PAK5: variants seen among roughly 807,000 people sequenced by gnomAD.
PAK5 encodes the protein serine/threonine-protein kinase PAK 5.
In PAK5, 16 loss-of-function variants were observed where a neutral mutation model predicts 65.9. That is an observed-to-expected ratio of 0.24 (90% CI 0.16 to 0.37). PAK5 has a LOEUF of 0.37. PAK5 is among the 10% of genes least tolerant of loss of function. PAK5 has a pLI of 1.00. For missense variants in PAK5, 785 were observed against 903.9 expected (o/e 0.87, Z 1.69); for synonymous variants, 371 against 354.9 (o/e 1.05, Z -0.51).
chr20:9,633,819 G>A lies in PAK5; in HGVS notation c.204+10306C>T, dbSNP rs186772076. ...GCAGGAATGCTGGGAACAGCATTTT[G>A]AACCATGAGAAGAGGCCTTCAGGGA... On this transcript the variant is annotated intron_variant, in intron 3 of 9. Transcript: ENST00000353224. 8.5e-5 allele frequency among the ~76,000 whole-genome samples: 13 copies of A among 152,314 alleles called. No homozygotes were observed. The East Asian group carries it at 1.9e-3, about 23-fold the overall frequency.
At position 9,718,440 on chromosome 20, in the gene PAK5, G is replaced by A. The variant is rs918542795; in HGVS notation, c.-161-7005C>T. Among the ~76,000 whole-genome samples, 8 of 152,212 alleles carry A rather than the reference G, an allele frequency of 5.3e-5. No individual in the cohort carries two copies. The South Asian group carries it at 8.3e-4, about 16-fold the overall frequency. Reference sequence around the variant, plus strand: ...CTTGTACCCAGAGATGCAATTTTGTGAGTAGCAGGTTTGATACATGGTCTG... The same window carrying A: ...CTTGTACCCAGAGATGCAATTTTGTAAGTAGCAGGTTTGATACATGGTCTG... On this transcript the variant is annotated intron_variant, in intron 1 of 9. Coordinates refer to ENST00000353224, the MANE Select transcript of PAK5 (RefSeq NM_177990.4).
intron 1 of PAK5, among the ~76,000 whole-genome samples, chr20:9,736,269 C>G (rs546803726): frequency 2.6e-5 from 4 of 152,106 alleles, no homozygotes; most frequent in African/African-American, 9.7e-5. Flanking sequence ...TATGACCAAC[C>G]TGTGGAACAA....
chr20:9,798,380 T>C (rs1335205638), intron 1 of PAK5, among the ~76,000 whole-genome samples: 3 of 152,086 alleles, frequency 2.0e-5, no homozygotes, highest in Non-Finnish European at 2.9e-5. Flanking sequence ...CTACTGAATG[T>C]AGAGGTTAGA....
intron 2 of PAK5, among the ~76,000 whole-genome samples, chr20:9,686,975 G>A (rs955976477): frequency 3.9e-5 from 6 of 152,204 alleles, no homozygotes; most frequent in Admixed American, 3.3e-4. Flanking sequence ...GCTCAGTTCT[G>A]CTAGGGAACT....
intron 1 of PAK5, among the ~76,000 whole-genome samples, chr20:9,828,066 C>T (rs1038381288): frequency 1.8e-4 from 28 of 152,058 alleles, no homozygotes; most frequent in African/African-American, 6.8e-4. Context: ...GAACTCTTGA[C>T]CCAGGTAATC....
intron 2 of PAK5, among the ~76,000 whole-genome samples, chr20:9,706,770 A>T (rs939329314): frequency 6.6e-6 from 1 of 151,916 alleles, no homozygotes; most frequent in Non-Finnish European, 1.5e-5. Context: ...AGCCTCCTAA[A>T]GTGCTGGGAT....
intron 3 of PAK5, among the ~76,000 whole-genome samples, chr20:9,631,775 G>A (rs1228350565): frequency 6.6e-6 from 1 of 152,200 alleles, no homozygotes; most frequent in African/African-American, 2.4e-5. Flanking sequence ...CAAACACTTA[G>A]ACAGGTACCA....
At chr20:9,604,842 G>A (rs2046422852) in intron 3 of PAK5, among the ~76,000 whole-genome samples, 1 of 152,166 alleles carries the variant, frequency 6.6e-6, no homozygotes, top group South Asian at 2.1e-4. Context: ...TGGCAGGGAG[G>A]AAAAGCCCAG....
chr20:9,829,024 C>T (rs1383959335), intron 1 of PAK5, among the ~76,000 whole-genome samples: 1 of 152,158 alleles, frequency 6.6e-6, no homozygotes, highest in East Asian at 1.9e-4. Flanking sequence ...CACCTTATGG[C>T]CAATTTACCT....
intron 2 of PAK5, among the ~76,000 whole-genome samples, chr20:9,645,813 C>T (rs1024815755): frequency 6.6e-6 from 1 of 152,184 alleles, no homozygotes; most frequent in African/African-American, 2.4e-5. Flanking sequence ...GTCTCCATCT[C>T]CTGACCTCGT....
At chr20:9,630,968 C>T (rs182660410) in intron 3 of PAK5, among the ~76,000 whole-genome samples, 46 of 152,194 alleles carry the variant, frequency 3.0e-4, no homozygotes, top group African/African-American at 1.0e-3. Flanking sequence ...CTTCACAGGT[C>T]CATGGATGGA....
rs190875284 is a variant in PAK5, at chr20:9,800,183, C to T, written c.-162+38579G>A. On this transcript the variant is annotated intron_variant, in intron 1 of 9. Transcript: ENST00000353224. ...TGATATTAGCTGAGCACTAGAACAACGATCTTCACCTTCTTCTCTAACTTT... is the reference window on the plus strand; with the variant it reads ...TGATATTAGCTGAGCACTAGAACAATGATCTTCACCTTCTTCTCTAACTTT... 1.2e-4 allele frequency among the ~76,000 whole-genome samples: 19 copies of T among 152,094 alleles called. No homozygotes were observed. In the South Asian group the frequency reaches 2.1e-3, roughly 17 times the overall value.
chr20:9,550,999 C>T (rs557668984), intron 7 of PAK5, among the ~76,000 whole-genome samples: 1 of 152,168 alleles, frequency 6.6e-6, no homozygotes, highest in African/African-American at 2.4e-5. Flanking sequence ...TAATAACCAT[C>T]TCCCTGACAA....
At chr20:9,616,341 C>T (rs536920631) in intron 3 of PAK5, among the ~76,000 whole-genome samples, 6 of 152,274 alleles carry the variant, frequency 3.9e-5, no homozygotes, top group Non-Finnish European at 7.4e-5. Flanking sequence ...CCTCAAATTA[C>T]GCCAGTAGCG....
chr20:9,830,403 T>C (rs1978614818), intron 1 of PAK5, among the ~76,000 whole-genome samples: 1 of 152,234 alleles, frequency 6.6e-6, no homozygotes, highest in South Asian at 2.1e-4. Flanking sequence ...GATCTAAGTA[T>C]GATCTTTTAA....
chr20:9,665,083 C>CTTTTTTTTTTTTTTTTTTT (rs1555910631), intron 2 of PAK5, among the ~76,000 whole-genome samples: 1 of 42,592 alleles, frequency 2.3e-5, no homozygotes, highest in African/African-American at 1.1e-4. Context: ...CTAAATTTTT[C>CTTTTTTTTTTTTTTTTTTT]TGTTTTTTTT....
intron 2 of PAK5, among the ~76,000 whole-genome samples, chr20:9,666,387 G>GGA (rs2047417782): frequency 8.8e-6 from 1 of 113,824 alleles, no homozygotes; most frequent in East Asian, 2.3e-4. Flanking sequence ...TGAGAACTTG[G>GGA]AAAAAAAAAA....
At chr20:9,561,308 T>TG (rs2045587053) in intron 6 of PAK5, among the ~76,000 whole-genome samples, 1 of 152,104 alleles carries the variant, frequency 6.6e-6, no homozygotes, top group Non-Finnish European at 1.5e-5. Context: ...GAGACCTGAG[T>TG]GGCTGTATGA....
chr20:9,806,129 T>C (rs1302705791), intron 1 of PAK5, among the ~76,000 whole-genome samples: 1 of 149,246 alleles, frequency 6.7e-6, no homozygotes, highest in Admixed American at 6.7e-5. Context: ...CATGCCCAGC[T>C]AATTTTATTT....
Sources: allele counts gnomAD v4.1 joint callset (sites outside exome capture counted in the v4.1 genomes callset), GRCh38; gene constraint gnomAD v4.1.1; transcripts MANE v1.5; gene names NCBI Gene and HGNC (gene_info 2026-07-23, HGNC 2026-07-21).